RTL4: variants seen among roughly 807,000 people sequenced by gnomAD.
RTL4 encodes the protein retrotransposon Gag like 4.
A neutral mutation model predicts 5.3 loss-of-function variants in RTL4; 4 were observed. That is an observed-to-expected ratio of 0.75 (90% CI 0.37 to 1.72). The LOEUF (loss-of-function observed/expected upper bound fraction) is 1.72, where lower values mean the gene tolerates loss of function less well. Ranked by LOEUF, RTL4 falls within the 40% of genes most tolerant of loss-of-function variation. The probability of loss-of-function intolerance (pLI) is 0.04; values close to 1 mark genes in which losing one functional copy is unlikely to be tolerated. For missense variants in RTL4, 260 were observed against 227.1 expected (o/e 1.14, Z -0.93); for synonymous variants, 98 against 87.3 (o/e 1.12, Z -0.68).
At chrX:112,214,957 T>G in the RTL4 span, among the ~76,000 whole-genome samples, 8 of 109,935 alleles carry the variant, frequency 7.3e-5, no homozygotes, top group Admixed American at 6.8e-4. Flanking sequence ...CCCGGCTAAT[T>G]TTTTGTATTT....
chrX:112,387,458 C>T, the RTL4 span, among the ~76,000 whole-genome samples: 1 of 108,908 alleles, frequency 9.2e-6, no homozygotes, highest in Non-Finnish European at 1.9e-5. Flanking sequence ...CATCCTGGAG[C>T]CTGGTAGCCC....
At chrX:112,396,719 G>A in the RTL4 span, among the ~76,000 whole-genome samples, 8 of 109,914 alleles carry the variant, frequency 7.3e-5, no homozygotes, top group Admixed American at 7.8e-4. Context: ...ATTTTTTTCA[G>A]ATCGCCTTTG....
At chrX:112,212,375 CA>C in the RTL4 span, among the ~76,000 whole-genome samples, 1 of 105,059 alleles carries the variant, frequency 9.5e-6, no homozygotes. Context: ...GACTCCGTCT[CA>C]AAAAAAAAAT....
At chrX:112,232,389 A>T in the RTL4 span, among the ~76,000 whole-genome samples, 1 of 112,487 alleles carries the variant, frequency 8.9e-6, no homozygotes, top group Non-Finnish European at 1.9e-5. Context: ...AACACAAGAA[A>T]ACAATATATA....
chrX:112,104,253 T>C, the RTL4 span, among the ~76,000 whole-genome samples: 11 of 112,394 alleles, frequency 9.8e-5, no homozygotes, highest in Non-Finnish European at 2.1e-4. Context: ...TGCTGAATAG[T>C]ATTCCATTGT....
chrX:112,269,364 A>G, the RTL4 span, among the ~76,000 whole-genome samples: 2 of 111,534 alleles, frequency 1.8e-5, no homozygotes, highest in African/African-American at 6.5e-5. Context: ...TCTCATCTGT[A>G]AAACTGAAGG....
chrX:112,107,458 T>A, the RTL4 span, among the ~76,000 whole-genome samples: 1 of 112,165 alleles, frequency 8.9e-6, no homozygotes, highest in Non-Finnish European at 1.9e-5. Flanking sequence ...TTTTCTTTTA[T>A]CTTGATGATC....
At chrX:112,202,925 A>G in the RTL4 span, among the ~76,000 whole-genome samples, 2 of 111,657 alleles carry the variant, frequency 1.8e-5, no homozygotes, top group Middle Eastern at 4.7e-3. Flanking sequence ...CTTCCCTGGT[A>G]TATGCTGTTT....
At chrX:112,178,973 A>G in the RTL4 span, among the ~76,000 whole-genome samples, 4 of 112,112 alleles carry the variant, frequency 3.6e-5, no homozygotes, top group Non-Finnish European at 7.5e-5. Flanking sequence ...TTGGCAAAGA[A>G]AAACGTGATT....
At chrX:112,302,305 G>A in the RTL4 span, among the ~76,000 whole-genome samples, 27 of 109,620 alleles carry the variant, frequency 2.5e-4, no homozygotes, top group African/African-American at 9.0e-4. Context: ...GACTTAAGAG[G>A]ACAGGAGTTT....
At chrX:112,329,476 G>T in the RTL4 span, among the ~76,000 whole-genome samples, 3 of 110,954 alleles carry the variant, frequency 2.7e-5, no homozygotes, top group Non-Finnish European at 5.7e-5. Flanking sequence ...TTGAATCTCT[G>T]AATAGACCAA....
chrX:112,330,397 C>T, the RTL4 span, among the ~76,000 whole-genome samples: 2 of 104,465 alleles, frequency 1.9e-5, no homozygotes, highest in South Asian at 4.0e-4. Flanking sequence ...GAGTGAACTC[C>T]CATTCACAAT....
At chrX:112,411,048 A>C in the RTL4 span, among the ~76,000 whole-genome samples, 1 of 111,929 alleles carries the variant, frequency 8.9e-6, no homozygotes, top group Admixed American at 9.5e-5. Flanking sequence ...TACAGCTGAT[A>C]CTGCAGAAAT....
the RTL4 span, among the ~76,000 whole-genome samples, chrX:112,127,062 T>A: frequency 8.9e-5 from 10 of 111,867 alleles, no homozygotes; most frequent in African/African-American, 2.9e-4. Flanking sequence ...CACTTTTAAT[T>A]TATTTTATGA....
chrX:112,216,109 G>A, the RTL4 span, among the ~76,000 whole-genome samples: 1 of 111,716 alleles, frequency 9.0e-6, no homozygotes, highest in South Asian at 3.8e-4. Context: ...TATAGCTTCA[G>A]AAGGAAGCAT....
upstream of RTL4, among the ~76,000 whole-genome samples, chrX:112,453,371 TG>T (rs745964653): frequency 9.8e-5 from 11 of 112,261 alleles, no homozygotes; most frequent in East Asian, 2.5e-3. Context: ...GCCATATGTT[TG>T]GGGTTGTTTT....
chrX:112,187,437 G>T, the RTL4 span, among the ~76,000 whole-genome samples: 31 of 111,469 alleles, frequency 2.8e-4, 1 homozygote, highest in Non-Finnish European at 1.1e-4. Context: ...CTTTTATTAA[G>T]AACCCCAGGC....
At chrX:112,309,823 CAT>C in the RTL4 span, among the ~76,000 whole-genome samples, 2 of 106,973 alleles carry the variant, frequency 1.9e-5, no homozygotes, top group South Asian at 4.1e-4. Context: ...CACATATATA[CAT>C]ATATATACAT....
chrX:112,250,224 A>G, the RTL4 span, among the ~76,000 whole-genome samples: 1 of 108,991 alleles, frequency 9.2e-6, no homozygotes, highest in Non-Finnish European at 1.9e-5. Flanking sequence ...GCTTGCAGTG[A>G]GCCGAGATCG....
Sources: allele counts gnomAD v4.1 joint callset (sites outside exome capture counted in the v4.1 genomes callset), GRCh38; gene constraint gnomAD v4.1.1; transcripts MANE v1.5; gene names NCBI Gene and HGNC (gene_info 2026-07-23, HGNC 2026-07-21).